DNASE1: variants seen among roughly 807,000 people sequenced by gnomAD.
DNASE1 encodes deoxyribonuclease-1.
In DNASE1, 40 loss-of-function variants were observed where a neutral mutation model predicts 33.9. That is an observed-to-expected ratio of 1.18 (90% CI 0.92 to 1.54). The LOEUF is 1.54. DNASE1 is among the 40% of genes most tolerant of loss of function. The pLI, the probability that DNASE1 is intolerant of heterozygous loss-of-function variation, is 0.00. For missense variants in DNASE1, 518 were observed against 372.6 expected (o/e 1.39, Z -3.21); for synonymous variants, 216 against 160.0 (o/e 1.35, Z -2.64).
chr16:3,657,142 G>T, intron 6 of DNASE1, 31 bp downstream of exon 6: 1 of 1,614,098 alleles, frequency 6.2e-7, no homozygotes, highest in African/African-American at 1.3e-5. Flanking sequence ...GTGGGCACCA[G>T]CGGCCTCCGC....
At chr16:3,643,424 T>C (rs1340771626) in intron 1 of DNASE1, among the ~76,000 whole-genome samples, 2 of 152,212 alleles carry the variant, frequency 1.3e-5, no homozygotes, top group Non-Finnish European at 2.9e-5. Context: ...CAGGCTCTCA[T>C]CTGGGACCAA....
At chr16:3,662,986 CAG>C (rs1317788546), downstream of DNASE1, 3 of 1,572,638 alleles carry the variant, frequency 1.9e-6, no homozygotes, top group East Asian at 2.3e-5. Context: ...GAGCAGGCGA[CAG>C]GGAGCTCAGG....
At chr16:3,657,622 A>G in intron 7 of DNASE1, 98 bp from the exon 8 acceptor site, 1 of 1,515,114 alleles carries the variant, frequency 6.6e-7, no homozygotes, top group South Asian at 1.2e-5. Flanking sequence ...ACAGACCTGC[A>G]CTGGCAGGTC....
intron 1 of DNASE1, among the ~76,000 whole-genome samples, chr16:3,646,710 G>A (rs144666179): frequency 2.0e-5 from 3 of 152,282 alleles, no homozygotes; most frequent in African/African-American, 7.2e-5. Flanking sequence ...ACACATTTGC[G>A]AGATGTTCTG....
chr16:3,621,659 A>G (rs929071330), intron 1 of DNASE1, among the ~76,000 whole-genome samples: 4 of 152,176 alleles, frequency 2.6e-5, no homozygotes, highest in African/African-American at 4.8e-5. Flanking sequence ...TTTCCTTATT[A>G]CATATAAATC....
At chr16:3,620,454 G>A (rs2041267416) in intron 1 of DNASE1, among the ~76,000 whole-genome samples, 1 of 150,916 alleles carries the variant, frequency 6.6e-6, no homozygotes, top group African/African-American at 2.4e-5. Flanking sequence ...GTAACTTCGA[G>A]GCTGCAGTGA....
intron 1 of DNASE1, among the ~76,000 whole-genome samples, chr16:3,643,372 A>G (rs1427666575): frequency 6.6e-6 from 1 of 152,254 alleles, no homozygotes; most frequent in East Asian, 1.9e-4. Flanking sequence ...GAGTTAGGGA[A>G]TAGGTTGGGG....
downstream of DNASE1, chr16:3,662,007 G>A: frequency 6.2e-7 from 1 of 1,609,828 alleles, no homozygotes; most frequent in Non-Finnish European, 8.5e-7. Flanking sequence ...TCTCCAGCGT[G>A]GGCTGCAGGA....
intron 1 of DNASE1, among the ~76,000 whole-genome samples, chr16:3,628,098 T>A (rs956510369): frequency 6.6e-6 from 1 of 152,200 alleles, no homozygotes; most frequent in African/African-American, 2.4e-5. Flanking sequence ...TCCTTACTTA[T>A]ATCTTCATTA....
chr16:3,633,047 T>C (rs2041748976), intron 1 of DNASE1, among the ~76,000 whole-genome samples: 1 of 152,326 alleles, frequency 6.6e-6, no homozygotes, highest in Non-Finnish European at 1.5e-5. Flanking sequence ...ACCCAACACA[T>C]GCTTGGGTCT....
chr16:3,653,805 T>A (rs2042421862), upstream of DNASE1: 3 of 35,458 alleles, frequency 8.5e-5, no homozygotes, highest in Non-Finnish European at 8.3e-5. Context: ...AGATTCCGCC[T>A]CAAAAAAAAA....
Position 3,647,991 on chromosome 16 carries a change from A to C in DNASE1, c.-86+4955A>C, listed in dbSNP as rs2042222287. ...GGGACCAGCCTGGCCAACATGGCAA[A>C]ACCCCGTCTTTACTGAAAATACAAA... On this transcript the variant is annotated intron_variant, in intron 1 of 9. Coordinates refer to the DNASE1 transcript ENST00000407479. Among the ~76,000 whole-genome samples the C allele has an allele frequency of 3.3e-5, 5 of 152,028 alleles. No individual in the cohort carries two copies. The South Asian group carries it at 1.0e-3, about 32-fold the overall frequency.
upstream of DNASE1, chr16:3,641,226 C>T (rs760807851): frequency 1.2e-5 from 4 of 342,820 alleles, no homozygotes; most frequent in Admixed American, 4.8e-5. Flanking sequence ...CTTAGGAAGC[C>T]GCCTTGGCAA....
downstream of DNASE1, chr16:3,662,257 G>C: frequency 8.7e-7 from 1 of 1,156,058 alleles, no homozygotes; most frequent in Non-Finnish European, 1.2e-6. Flanking sequence ...GGACTCCCCT[G>C]GACCAGCGCT....
chr16:3,657,582 A>G (rs2042763988), intron 7 of DNASE1, 138 bp from the exon 8 acceptor site: 3 of 1,292,564 alleles, frequency 2.3e-6, no homozygotes, highest in African/African-American at 1.5e-5. Flanking sequence ...ATTGAGGGGC[A>G]CAGACCAGGG....
At chr16:3,662,715 C>A (rs1424384907), downstream of DNASE1, 1 of 716,496 alleles carries the variant, frequency 1.4e-6, no homozygotes, top group African/African-American at 1.7e-5. Flanking sequence ...AGCGGCACTC[C>A]CGAGCAACAC....
chr16:3,618,807 TGTA>T (rs1385544808), intron 1 of DNASE1, among the ~76,000 whole-genome samples: 6 of 152,178 alleles, frequency 3.9e-5, no homozygotes, highest in Admixed American at 3.3e-4. Context: ...ATGAACAAAA[TGTA>T]GTATAGAATG....
chr16:3,642,313 C>T (rs1216279074), upstream of DNASE1, among the ~76,000 whole-genome samples: 1 of 152,232 alleles, frequency 6.6e-6, no homozygotes, highest in Non-Finnish European at 1.5e-5. Flanking sequence ...CATCCTTGGG[C>T]ACTCCTGTGT....
At chr16:3,659,638 T>G (rs2042948567), downstream of DNASE1, 1 of 152,154 alleles carries the variant, frequency 6.6e-6, no homozygotes, top group African/African-American at 2.4e-5. Flanking sequence ...GAACTGTAAA[T>G]TTGTACAACC....
Sources: gnomAD v4.1 joint callset for allele counts (sites outside exome capture counted in the v4.1 genomes callset) on GRCh38, gnomAD v4.1.1 for gene constraint, MANE v1.5 for transcripts, NCBI Gene and HGNC (gene_info 2026-07-23, HGNC 2026-07-21) for gene names.